Variants in SLC25A21 observed in about 807,000 individuals in gnomAD.
SLC25A21 encodes mitochondrial 2-oxodicarboxylate carrier.
In SLC25A21, 47 loss-of-function variants were observed where a neutral mutation model predicts 43.8. That is an observed-to-expected ratio of 1.07 (90% CI 0.85 to 1.37). The LOEUF is 1.37. Among genes scored for constraint, SLC25A21 ranks in the 40% most tolerant of loss-of-function variants. SLC25A21 has a pLI of 0.00. For synonymous variants in SLC25A21, 131 were observed against 121.3 expected (o/e 1.08, Z -0.52); for missense variants, 352 against 350.2 (o/e 1.00, Z -0.04).
chr14:36,781,902 T>C (rs534856013), intron 3 of SLC25A21, among the ~76,000 whole-genome samples: 29 of 152,222 alleles, frequency 1.9e-4, no homozygotes, highest in Non-Finnish European at 4.0e-4. Flanking sequence ...AGAACTCCTT[T>C]TAGCATTTCT....
At chr14:37,156,128 C>T (rs1211768655) in intron 1 of SLC25A21, among the ~76,000 whole-genome samples, 10 of 146,116 alleles carry the variant, frequency 6.8e-5, no homozygotes, top group Admixed American at 4.2e-4. Context: ...CACTGCACTC[C>T]GGCCTGGGTG....
intron 1 of SLC25A21, among the ~76,000 whole-genome samples, chr14:36,956,148 C>T (rs1244699303): frequency 6.6e-6 from 1 of 152,160 alleles, no homozygotes; most frequent in Non-Finnish European, 1.5e-5. Flanking sequence ...TAGCATCACG[C>T]TGAGCCTCGG....
rs967008015 is a variant in SLC25A21, at chr14:36,678,182, C to A, written c.*2476G>T. 2.3e-6 allele frequency: 1 copy of A among 436,920 alleles called. No homozygotes were observed. The highest frequency in any genetic ancestry group is 4.2e-6 in the Non-Finnish European group (1 of 240,248). The allele number at this position is 436,920 out of a possible 1,614,324, so 27.1% of individuals were successfully genotyped here. A position where few individuals can be genotyped will look rare whatever the true frequency, so the allele number is the denominator to read the frequency against. On this transcript the variant is annotated 3_prime_UTR_variant, in exon 10 of 10. Transcript: ENST00000331299. Reference sequence around the variant, plus strand: ...ACATGGCAATGCGGTTCCACCACATCGGTTTCGTGGCTTCGTTTAAAACTC... The same window carrying A: ...ACATGGCAATGCGGTTCCACCACATAGGTTTCGTGGCTTCGTTTAAAACTC...
intron 6 of SLC25A21, among the ~76,000 whole-genome samples, chr14:36,715,935 A>AAT (rs1296635949): frequency 6.6e-6 from 1 of 152,052 alleles, no homozygotes; most frequent in Admixed American, 6.6e-5. Context: ...TACTAATAAT[A>AAT]CAAAAAGTAG....
chr14:37,055,139 G>A (rs57545427), intron 1 of SLC25A21, among the ~76,000 whole-genome samples: 6,886 of 152,278 alleles, frequency 0.045, 510 homozygotes, highest in African/African-American at 0.16. Flanking sequence ...GAGAGGAAAG[G>A]ACAGAGAATT....
intron 3 of SLC25A21, among the ~76,000 whole-genome samples, chr14:36,745,419 A>T (rs1410916103): frequency 2.6e-5 from 4 of 152,106 alleles, no homozygotes; most frequent in African/African-American, 9.7e-5. Flanking sequence ...GAATCGCCAC[A>T]CTGTCTTCCA....
chr14:37,045,410 T>C (rs1055920675), intron 1 of SLC25A21, among the ~76,000 whole-genome samples: 7 of 152,298 alleles, frequency 4.6e-5, no homozygotes, highest in Non-Finnish European at 1.0e-4. Flanking sequence ...TGAGATCACA[T>C]ACAGTTGAAT....
In SLC25A21 at chr14:36,941,892, T is replaced by A. The variant is rs182654870; in HGVS notation, c.71-66888A>T. 3.8e-3 allele frequency among the ~76,000 whole-genome samples: 574 copies of A among 152,150 alleles called. 3 individuals are homozygous for A. The highest frequency in any genetic ancestry group is 5.0e-3 in the Non-Finnish European group (342 of 67,946). On this transcript the variant is annotated intron_variant, in intron 1 of 9. Coordinates refer to ENST00000331299, the MANE Select transcript of SLC25A21 (RefSeq NM_030631.4). ...TTCAAATGTTTAAATAAATTTTTTTTAAATAAACTTAGAACATGTAATTAG... is the reference window on the plus strand; with the variant it reads ...TTCAAATGTTTAAATAAATTTTTTTAAAATAAACTTAGAACATGTAATTAG...
At chr14:36,737,244 C>T (rs1264072064) in intron 3 of SLC25A21, among the ~76,000 whole-genome samples, 1 of 152,146 alleles carries the variant, frequency 6.6e-6, no homozygotes, top group African/African-American at 2.4e-5. Flanking sequence ...TCTAAGTACA[C>T]AGAAGGTCTT....
At chr14:37,151,711 C>A (rs542061598) in intron 1 of SLC25A21, among the ~76,000 whole-genome samples, 1 of 152,178 alleles carries the variant, frequency 6.6e-6, no homozygotes, top group African/African-American at 2.4e-5. Context: ...CAGCCTTGAA[C>A]AAGATATTTA....
At chr14:36,924,980 G>A (rs989669300) in intron 1 of SLC25A21, among the ~76,000 whole-genome samples, 13 of 152,180 alleles carry the variant, frequency 8.5e-5, no homozygotes, top group Admixed American at 5.2e-4. Context: ...GTATTCTGCC[G>A]TGAGATTCTT....
intron 1 of SLC25A21, among the ~76,000 whole-genome samples, chr14:37,000,630 T>G (rs1181628007): frequency 6.6e-6 from 1 of 152,176 alleles, no homozygotes; most frequent in East Asian, 1.9e-4. Context: ...TGATGTGGTT[T>G]GGCTCTGTGT....
At chr14:36,883,392 G>A (rs1363335457) in intron 1 of SLC25A21, among the ~76,000 whole-genome samples, 1 of 152,170 alleles carries the variant, frequency 6.6e-6, no homozygotes, top group African/African-American at 2.4e-5. Context: ...GAGTAGTCCC[G>A]ACCACTCTAA....
At chr14:36,747,937 C>T (rs1474622780) in intron 3 of SLC25A21, among the ~76,000 whole-genome samples, 14 of 152,148 alleles carry the variant, frequency 9.2e-5, no homozygotes, top group Non-Finnish European at 1.5e-5. Flanking sequence ...TGTATTTCTA[C>T]AGGAATTGAG....
At chr14:37,152,664 G>T (rs1291573660) in intron 1 of SLC25A21, among the ~76,000 whole-genome samples, 2 of 152,052 alleles carry the variant, frequency 1.3e-5, no homozygotes, top group African/African-American at 4.8e-5. Context: ...AAGAGTGGAT[G>T]GGTTTGTTTG....
chr14:36,717,898 C>T (rs956301258), intron 6 of SLC25A21, among the ~76,000 whole-genome samples: 8 of 151,878 alleles, frequency 5.3e-5, no homozygotes, highest in East Asian at 1.9e-4. Context: ...TGAGTGTGAG[C>T]GTCAGGAAAA....
rs1368215415 is a variant in SLC25A21, at chr14:36,711,193, G to A, written c.603+125C>T. Reference sequence around the variant, plus strand: ...TAACAGCACTCAATGCAGATGTAAGGATCAAATTAGATAATAGATGTAGGT... The same window carrying A: ...TAACAGCACTCAATGCAGATGTAAGAATCAAATTAGATAATAGATGTAGGT... On this transcript the variant is annotated intron_variant, in intron 7 of 9. Transcript: ENST00000331299. The A allele has an allele frequency of 1.1e-4, 92 of 826,012 alleles. 2 individuals are homozygous for A. In the South Asian group the frequency reaches 1.5e-3, roughly 14 times the overall value. The allele number at this position is 826,012 out of a possible 1,614,324, so 51.2% of individuals were successfully genotyped here. A position where few individuals can be genotyped will look rare whatever the true frequency, so the allele number is the denominator to read the frequency against.
intron 2 of SLC25A21, among the ~76,000 whole-genome samples, chr14:36,817,940 A>T (rs144203431): frequency 6.8e-4 from 103 of 152,336 alleles, no homozygotes; most frequent in African/African-American, 2.3e-3. Flanking sequence ...AGAACCAAAT[A>T]GATAATATTT....
chr14:37,107,955 G>C lies in SLC25A21; in HGVS notation c.70+64326C>G, dbSNP rs189892982. On this transcript the variant is annotated intron_variant, in intron 1 of 9. Transcript: ENST00000331299. ...TGTTGGCCCAGTGGAATTATCAATAGTATCCACTGGCATTCCTAATAGTGT... is the reference window on the plus strand; with the variant it reads ...TGTTGGCCCAGTGGAATTATCAATACTATCCACTGGCATTCCTAATAGTGT... 6.3e-3 allele frequency among the ~76,000 whole-genome samples: 962 copies of C among 152,250 alleles called. 9 individuals carry two copies. The highest frequency in any genetic ancestry group is 0.02 in the African/African-American group (827 of 41,544).
Sources: gnomAD v4.1 joint callset for allele counts (sites outside exome capture counted in the v4.1 genomes callset) on GRCh38, gnomAD v4.1.1 for gene constraint, MANE v1.5 for transcripts, NCBI Gene and HGNC (gene_info 2026-07-23, HGNC 2026-07-21) for gene names.